The following ZC3H8 variants were observed in gnomAD, a reference collection of about 807,000 sequenced individuals.
ZC3H8 encodes the protein zinc finger CCCH domain-containing protein 8.
Under a neutral mutation model 42.5 loss-of-function variants are expected in ZC3H8, and 27 were observed. The ratio of observed to expected loss-of-function variants is 0.64; its 90% confidence interval spans 0.47 to 0.88. The LOEUF (loss-of-function observed/expected upper bound fraction) is 0.88, where lower values mean the gene tolerates loss of function less well. Among genes scored for constraint, ZC3H8 ranks in the 40% least tolerant of loss-of-function variants. ZC3H8 has a pLI of 0.00. For missense variants in ZC3H8, 277 were observed against 336.1 expected (o/e 0.82, Z 1.37); for synonymous variants, 101 against 110.1 (o/e 0.92, Z 0.52).
intron 8 of ZC3H8, among the ~76,000 whole-genome samples, chr2:112,218,000 T>TGCCTCC (rs1684404796): frequency 6.6e-6 from 1 of 152,190 alleles, no homozygotes; most frequent in Non-Finnish European, 1.5e-5. Flanking sequence ...TTCAAACTCC[T>TGCCTCC]GCCTCCACCT....
At chr2:112,218,883 G>C (rs1370967285) in intron 8 of ZC3H8, among the ~76,000 whole-genome samples, 1 of 152,104 alleles carries the variant, frequency 6.6e-6, no homozygotes, top group Non-Finnish European at 1.5e-5. Context: ...ATGTACTTAG[G>C]AATTAATTTA....
chr2:112,240,886 T>A (rs1195319413), intron 2 of ZC3H8, among the ~76,000 whole-genome samples: 1 of 152,072 alleles, frequency 6.6e-6, no homozygotes, highest in Non-Finnish European at 1.5e-5. Flanking sequence ...ATAACTTTTT[T>A]TATTCAAGAT....
chr2:112,233,383 G>C lies in ZC3H8; in HGVS notation c.622-12C>G, dbSNP rs1487325522. 6.6e-7 allele frequency: 1 copy of C among 1,517,288 alleles called. No homozygotes were observed. Among genetic ancestry groups the C allele is most frequent in the Non-Finnish European group, 9.0e-7 (1 of 1,113,416 alleles). The allele number at this position is 1,517,288 out of a possible 1,614,324, so 94.0% of individuals were successfully genotyped here. ...TTACACTGGTCTCCCTAGGCCAAAA[G>C]AAGGAGCAAGGAAAAGCCATTATTT... On this transcript the variant is annotated splice_polypyrimidine_tract_variant and intron_variant, in intron 5 of 8. Transcript: ENST00000409573.
intron 8 of ZC3H8, among the ~76,000 whole-genome samples, chr2:112,226,566 G>A (rs1684847570): frequency 8.7e-6 from 1 of 114,336 alleles, no homozygotes; most frequent in South Asian, 2.8e-4. Flanking sequence ...TCCAGCCTGG[G>A]CAACAGAGCC....
In ZC3H8 at chr2:112,216,152, CCGATTTTATTAAGGAAAT is replaced by C. The variant is rs1432389859; in HGVS notation, c.*314_*331del. On this transcript the variant is annotated 3_prime_UTR_variant, in exon 9 of 9. Coordinates refer to ENST00000409573, the MANE Select transcript of ZC3H8 (RefSeq NM_032494.3). ...ACCCTCACTCAGCCTAACCTTGCTT[CCGATTTTATTAAGGAAAT>C]CCAATCAATCAGAAGAGGTTTCTAC... 1.3e-5 allele frequency: 2 copies of C among 152,344 alleles called. No homozygotes were observed. The highest frequency in any genetic ancestry group is 3.9e-4 in the East Asian group (2 of 5,184). The allele number at this position is 152,344 out of a possible 1,614,324, so 9.4% of individuals were successfully genotyped here. A position where few individuals can be genotyped will look rare whatever the true frequency, so the allele number is the denominator to read the frequency against.
intron 2 of ZC3H8, among the ~76,000 whole-genome samples, chr2:112,243,023 T>C (rs1051694086): frequency 6.6e-6 from 1 of 152,224 alleles, no homozygotes; most frequent in Non-Finnish European, 1.5e-5. Flanking sequence ...CTCAAAGATA[T>C]GAGGAAACTG....
chr2:112,248,337 A>AAAG, intron 2 of ZC3H8, among the ~76,000 whole-genome samples: 1 of 147,176 alleles, frequency 6.8e-6, no homozygotes, highest in Middle Eastern at 3.4e-3. Context: ...AGAAAGAAAG[A>AAAG]AAAGAAAGAA....
intron 2 of ZC3H8, among the ~76,000 whole-genome samples, chr2:112,241,023 G>A (rs1279278688): frequency 6.6e-6 from 1 of 151,432 alleles, no homozygotes; most frequent in Non-Finnish European, 1.5e-5. Flanking sequence ...GTGTGTGTGT[G>A]TGTGTGTATG....
chr2:112,216,419 GTCTTGAACAC>G lies in ZC3H8; in HGVS notation c.*55_*64del, dbSNP rs1684322369. On this transcript the variant is annotated 3_prime_UTR_variant, in exon 9 of 9. Coordinates refer to ENST00000409573, the MANE Select transcript of ZC3H8 (RefSeq NM_032494.3). ...TACTCCAAATCACCAGTCTTGAACA[GTCTTGAACAC>G]GCATGGGCGTTAAAGTACTCTTTAT... is the stretch of plus-strand genomic sequence containing the variant. 6.6e-6 allele frequency: 1 copy of G among 152,274 alleles called. No homozygotes were observed. Among genetic ancestry groups the G allele is most frequent in the South Asian group, 2.1e-4 (1 of 4,838 alleles). 9.4% of individuals were successfully genotyped at this position (152,274 alleles called of 1,614,324 possible).
intron 8 of ZC3H8, among the ~76,000 whole-genome samples, chr2:112,218,206 C>G (rs929564339): frequency 6.6e-6 from 1 of 152,158 alleles, no homozygotes; most frequent in Non-Finnish European, 1.5e-5. Context: ...ATTGAAAAGA[C>G]TGTATATGAG....
intron 3 of ZC3H8, among the ~76,000 whole-genome samples, chr2:112,237,759 G>T (rs773612059): frequency 5.0e-4 from 76 of 151,628 alleles, no homozygotes; most frequent in Non-Finnish European, 1.0e-3. Flanking sequence ...TTATTTTTAG[G>T]TTTCACCATG....
In ZC3H8 at chr2:112,248,740, T is replaced by C. The variant is rs530834436; in HGVS notation, c.156+1451A>G. ...AAGATAGGAATATACATTACCTTTG[T>C]TATGGGTTGAACTGCACCCTCCCAA... is the stretch of plus-strand genomic sequence containing the variant. On this transcript the variant is annotated intron_variant, in intron 2 of 8. Coordinates refer to ENST00000409573, the MANE Select transcript of ZC3H8 (RefSeq NM_032494.3). Among the ~76,000 whole-genome samples the C allele has an allele frequency of 2.0e-5, 3 of 152,298 alleles. No homozygotes were observed. The South Asian group carries it at 6.2e-4, about 32-fold the overall frequency.
chr2:112,247,236 A>G (rs766899106), intron 2 of ZC3H8, among the ~76,000 whole-genome samples: 3 of 152,184 alleles, frequency 2.0e-5, no homozygotes, highest in African/African-American at 7.2e-5. Context: ...ATCTGAGGTA[A>G]TGCTCTTTCT....
chr2:112,218,262 T>G (rs181192265), intron 8 of ZC3H8, among the ~76,000 whole-genome samples: 49 of 152,346 alleles, frequency 3.2e-4, no homozygotes, highest in African/African-American at 1.2e-3. Flanking sequence ...AGGACATTCT[T>G]AAATGAACCT....
At chr2:112,252,680 G>C (rs1558936043) in intron 1 of ZC3H8, among the ~76,000 whole-genome samples, 1 of 151,914 alleles carries the variant, frequency 6.6e-6, no homozygotes. Context: ...TGGCCACTTT[G>C]CTCCCCTAAC....
intron 4 of ZC3H8, among the ~76,000 whole-genome samples, chr2:112,234,954 G>C (rs1435438130): frequency 1.3e-5 from 2 of 151,856 alleles, no homozygotes; most frequent in African/African-American, 4.8e-5. Flanking sequence ...ATGCTCACTG[G>C]GTGTGAGTTG....
At chr2:112,220,415 T>C (rs1287481857) in intron 8 of ZC3H8, among the ~76,000 whole-genome samples, 1 of 152,200 alleles carries the variant, frequency 6.6e-6, no homozygotes, top group Non-Finnish European at 1.5e-5. Context: ...TGAAACTTAG[T>C]TTGGCTGGAT....
At chr2:112,234,339 G>A in intron 4 of ZC3H8, 103 bp from the exon 5 acceptor site, 3 of 867,366 alleles carry the variant, frequency 3.5e-6, no homozygotes, top group Admixed American at 3.1e-5. Context: ...CCTTAAAGGT[G>A]ACTCTTCTAA....
At chr2:112,244,078 A>G (rs1394620445) in intron 2 of ZC3H8, among the ~76,000 whole-genome samples, 2 of 146,074 alleles carry the variant, frequency 1.4e-5, no homozygotes, top group South Asian at 2.1e-4. Flanking sequence ...AAATAATCTC[A>G]CCACAATAGC....
Sources: allele counts gnomAD v4.1 joint callset (sites outside exome capture counted in the v4.1 genomes callset), GRCh38; gene constraint gnomAD v4.1.1; transcripts MANE v1.5; gene names NCBI Gene and HGNC (gene_info 2026-07-23, HGNC 2026-07-21).